The following RNF10 variants were observed in gnomAD, a reference collection of about 807,000 sequenced individuals.
RNF10 encodes ring finger protein 10.
Under a neutral mutation model 91.4 loss-of-function variants are expected in RNF10, and 38 were observed. The observed-to-expected ratio is 0.42, with a 90% CI of 0.32 to 0.54. The LOEUF is 0.54. RNF10 is among the 20% of genes least tolerant of loss of function. The probability of loss-of-function intolerance (pLI) is 0.16; values close to 1 mark genes in which losing one functional copy is unlikely to be tolerated. For missense variants in RNF10, 945 were observed against 1,012.0 expected (o/e 0.93, Z 0.90); for synonymous variants, 364 against 366.3 (o/e 0.99, Z 0.07).
intron 7 of RNF10, among the ~76,000 whole-genome samples, chr12:120,561,664 C>G (rs930370774): frequency 1.4e-4 from 21 of 152,174 alleles, no homozygotes; most frequent in African/African-American, 4.8e-4. Flanking sequence ...GATGAGGAAA[C>G]TGAATCCTGG....
intron 2 of RNF10, among the ~76,000 whole-genome samples, chr12:120,549,975 C>CA (rs1214493110): frequency 2.0e-5 from 3 of 151,944 alleles, no homozygotes; most frequent in Non-Finnish European, 4.4e-5. Context: ...ACAGAATGCT[C>CA]AAAGTTAAGA....
intron 13 of RNF10, among the ~76,000 whole-genome samples, chr12:120,568,643 T>A (rs1396302518): frequency 6.6e-6 from 1 of 150,524 alleles, no homozygotes; most frequent in Non-Finnish European, 1.5e-5. Context: ...GCCTGGCTAA[T>A]TTTTGTATTT....
rs1410995595 is a variant in RNF10 at position 120,575,636 on chromosome 12, G to C, written c.2148G>C (p.Leu716=). Reference sequence around the variant, plus strand: ...CTTCTTTCCCACTTTGGCAGATGCTGAGGGTTGGAAAAGCAAAAGCAGATG... The same window carrying C: ...CTTCTTTCCCACTTTGGCAGATGCTCAGGGTTGGAAAAGCAAAAGCAGATG... The part of the protein sequence containing the change: ...DSPFPSFAQM[L]RVGKAKADVW... The change falls in exon 15 of 17, where the codon CTG becomes CTC. Residue 716 remains leucine, a synonymous_variant. Transcript: ENST00000325954. 1 of 1,614,226 alleles carries C rather than the reference G, an allele frequency of 6.2e-7. No homozygotes were observed. Among genetic ancestry groups the C allele is most frequent in the Non-Finnish European group, 8.5e-7 (1 of 1,180,040 alleles).
At chr12:120,562,554 A>C (rs1241752698) in intron 7 of RNF10, among the ~76,000 whole-genome samples, 5 of 152,004 alleles carry the variant, frequency 3.3e-5, no homozygotes, top group African/African-American at 1.2e-4. Flanking sequence ...GATTACAGGC[A>C]TGAGCCACCA....
rs146309808 is a variant in RNF10, at chr12:120,562,964, C to T, written c.1148C>T (p.Ser383Leu). The T allele has an allele frequency of 1.5e-5, 25 of 1,613,878 alleles. No homozygotes were observed. The highest frequency in any genetic ancestry group is 1.5e-4 in the African/African-American group (11 of 74,920). The stretch of plus-strand genomic sequence containing the variant: ...CGTTAGACTCGGGAAGAGGCTCTGT[C>T]GGGATTGGCCGGAAGCAGAAGGGAG... ...QELKTREEAL[S>L]GLAGSRREVT... The change falls in exon 8 of 17, where the codon TCG becomes TTG. Residue 383 changes from serine to leucine, a missense_variant. Physicochemically the swap from Ser to Leu is moderately radical, Grantham distance 145. Coordinates refer to ENST00000325954, the MANE Select transcript of RNF10 (RefSeq NM_014868.5).
At chr12:120,565,011 G>T in intron 10 of RNF10, 61 bp from the exon 11 acceptor site, 9 of 1,106,986 alleles carry the variant, frequency 8.1e-6, no homozygotes, top group Non-Finnish European at 1.1e-5. Context: ...TCGGGGTTAG[G>T]ACCCCCTGCT....
At chr12:120,537,351 G>T (rs1020767467) in intron 1 of RNF10, among the ~76,000 whole-genome samples, 3 of 151,732 alleles carry the variant, frequency 2.0e-5, no homozygotes, top group African/African-American at 7.3e-5. Context: ...TGTAGGCCGG[G>T]TGCGGTGGCT....
chr12:120,571,243 C>G lies in RNF10; in HGVS notation c.2094C>G (p.Phe698Leu). Reference protein sequence around the residue: ...SPTASQGSPSFCVGSLEEDSP... With the variant: ...SPTASQGSPSLCVGSLEEDSP... Reference sequence around the variant, plus strand: ...CTGCCAGTCAGGGCAGTCCCTCATTCTGCGTTGGGAGTCTGGAAGAAGACT... The same window carrying G: ...CTGCCAGTCAGGGCAGTCCCTCATTGTGCGTTGGGAGTCTGGAAGAAGACT... The change falls in exon 14 of 17, where the codon TTC becomes TTG. Residue 698 changes from phenylalanine to leucine, a missense_variant. Coordinates refer to ENST00000325954, the MANE Select transcript of RNF10 (RefSeq NM_014868.5). The G allele has an allele frequency of 1.2e-6, 2 of 1,614,120 alleles. No homozygotes were observed. The highest frequency in any genetic ancestry group is 1.6e-4 in the Middle Eastern group (1 of 6,062).
At chr12:120,535,083 T>G in intron 1 of RNF10, 115 bp downstream of exon 1, 133 of 1,115,042 alleles carry the variant, frequency 1.2e-4, no homozygotes, top group Non-Finnish European at 1.4e-4. Context: ...TTATAGCTCC[T>G]ACCTGCCCTT....
intron 3 of RNF10, among the ~76,000 whole-genome samples, chr12:120,553,330 C>T (rs879715550): frequency 6.6e-6 from 1 of 151,114 alleles, no homozygotes; most frequent in African/African-American, 2.4e-5. Flanking sequence ...CCTCGTGATC[C>T]ACCTGCCTCG....
At chr12:120,545,105 C>T (rs546867778) in intron 1 of RNF10, among the ~76,000 whole-genome samples, 48 of 152,342 alleles carry the variant, frequency 3.2e-4, no homozygotes, top group Non-Finnish European at 6.3e-4. Context: ...TCTGTGGGTA[C>T]TGGCAACTTT....
chr12:120,549,569 G>C lies in RNF10; in HGVS notation c.355-2930G>C, dbSNP rs533131910. On this transcript the variant is annotated intron_variant, in intron 2 of 16. Coordinates refer to ENST00000325954, the MANE Select transcript of RNF10 (RefSeq NM_014868.5). The stretch of plus-strand genomic sequence containing the variant: ...GGAGGCCAAGGAGGGTGGATCTCCT[G>C]AGGCCAGGAGTTTGAGACGGGCCTG... Among the ~76,000 whole-genome samples, 136 of 152,280 alleles carry C rather than the reference G, an allele frequency of 8.9e-4. 1 individual carries two copies. The highest frequency in any genetic ancestry group is 3.0e-3 in the African/African-American group (126 of 41,554).
At chr12:120,564,534 AG>A (rs1384441500) in intron 10 of RNF10, among the ~76,000 whole-genome samples, 1 of 152,180 alleles carries the variant, frequency 6.6e-6, no homozygotes, top group African/African-American at 2.4e-5. Flanking sequence ...CTGAGGCAGA[AG>A]GATCACCTGA....
At chr12:120,567,650 A>C (rs1180945575) in intron 13 of RNF10, among the ~76,000 whole-genome samples, 2 of 151,734 alleles carry the variant, frequency 1.3e-5, no homozygotes, top group Non-Finnish European at 2.9e-5. Context: ...TCAGTGAGAC[A>C]AGGTTGCGTC....
In RNF10 at chr12:120,544,777, G is replaced by T. The variant is rs544503489; in HGVS notation, c.158-1628G>T. 6.4e-4 allele frequency among the ~76,000 whole-genome samples: 97 copies of T among 152,296 alleles called. No individual in the cohort carries two copies. In the Middle Eastern group the frequency reaches 0.017, roughly 27 times the overall value. On this transcript the variant is annotated intron_variant, in intron 1 of 16. Transcript: ENST00000325954. ...TTTAATGACCATATTTTATCTGTCA[G>T]TTCCACTTTTTGAGAATTTGACATA... is the stretch of plus-strand genomic sequence containing the variant.
chr12:120,542,867 T>G (rs950933226), intron 1 of RNF10, among the ~76,000 whole-genome samples: 14 of 152,138 alleles, frequency 9.2e-5, no homozygotes, highest in African/African-American at 3.4e-4. Context: ...GTAACTAAGG[T>G]AAGGGTCACT....
intron 6 of RNF10, 88 bp downstream of exon 6, chr12:120,557,770 T>C (rs775920963): frequency 5.5e-6 from 8 of 1,451,654 alleles, no homozygotes; most frequent in Non-Finnish European, 7.7e-6. Context: ...AGTGAAGCCT[T>C]TGGGCAGGGC....
At chr12:120,570,781 G>C (rs1281884754) in intron 13 of RNF10, among the ~76,000 whole-genome samples, 1 of 152,172 alleles carries the variant, frequency 6.6e-6, no homozygotes, top group African/African-American at 2.4e-5. Flanking sequence ...GTCTACTATC[G>C]GGAATGTAAA....
At chr12:120,546,362 G>T (rs776426981) in intron 1 of RNF10, 43 bp from the exon 2 acceptor site, 1 of 1,570,292 alleles carries the variant, frequency 6.4e-7, no homozygotes, top group Admixed American at 1.8e-5. Context: ...CTAAGTGAAT[G>T]TATCAGCTTC....
Sources: gnomAD v4.1 joint callset for allele counts (sites outside exome capture counted in the v4.1 genomes callset) on GRCh38, gnomAD v4.1.1 for gene constraint, MANE v1.5 for transcripts, NCBI Gene and HGNC (gene_info 2026-07-23, HGNC 2026-07-21) for gene names.